Variants in LRP1 observed in about 807,000 individuals in gnomAD.
LRP1 encodes prolow-density lipoprotein receptor-related protein 1.
A neutral mutation model predicts 541.5 loss-of-function variants in LRP1; 51 were observed. That is an observed-to-expected ratio of 0.09 (90% CI 0.08 to 0.12). The LOEUF is 0.12. LRP1 is among the 10% of genes least tolerant of loss of function. The pLI is 1.00. For missense variants in LRP1, 3,878 were observed against 6,376.2 expected, an observed-to-expected ratio of 0.61 and a Z score of 13.34; for synonymous variants, 2,219 against 2,470.8, an observed-to-expected ratio of 0.90 and a Z score of 3.02.
At chr12:57,139,941 T>C (rs2035252423) in intron 2 of LRP1, among the ~76,000 whole-genome samples, 1 of 152,150 alleles carries the variant, frequency 6.6e-6, no homozygotes, top group Admixed American at 6.5e-5. Context: ...CACCATCAGT[T>C]GTGTAAGCAG....
At position 57,179,526 on chromosome 12, in the gene LRP1, G is replaced by A. The variant is rs549171552; in HGVS notation, c.4936G>A (p.Gly1646Ser). 5.6e-6 allele frequency: 9 copies of A among 1,614,132 alleles called. No homozygotes were observed. The highest frequency in any genetic ancestry group is 1.7e-5 in the Admixed American group (1 of 60,026). Residue 1646 changes from glycine to serine, a missense_variant, in exon 29 of 89, where the codon GGC (glycine) becomes AGC (serine). Around this residue, in one of 13 missense-constraint regions of LRP1, gnomAD observed 394 missense variants for 635.9 expected, o/e 0.62. Coordinates refer to ENST00000243077, the MANE Select transcript of LRP1 (RefSeq NM_002332.3). This position sits in a 1 kb window ranked among gnomAD's most constrained non-coding sequence, Gnocchi z 6.8. ...GGCCATCAAGCGGGCCTTCATCAAC[G>A]GCACAGGCGTGGAGACAGTCGTCTC... Reference protein sequence around the residue: ...TQAIKRAFINGTGVETVVSAD... With the variant: ...TQAIKRAFINSTGVETVVSAD...
chr12:57,188,024 A>G (rs963352668), intron 42 of LRP1, among the ~76,000 whole-genome samples: 1 of 152,214 alleles, frequency 6.6e-6, no homozygotes, highest in African/African-American at 2.4e-5. Flanking sequence ...AAGAAAGGCA[A>G]ATTCAAGGCA....
At chr12:57,190,220 C>G (rs1428445926) in intron 42 of LRP1, among the ~76,000 whole-genome samples, 1 of 152,222 alleles carries the variant, frequency 6.6e-6, no homozygotes, top group Non-Finnish European at 1.5e-5. Context: ...ACCTGGGACA[C>G]ATGCCACACT....
chr12:57,211,629 T>C lies in LRP1; in HGVS notation c.13193+41T>C. 2 of 1,607,790 alleles carry C rather than the reference T, an allele frequency of 1.2e-6. No homozygotes were observed. The highest frequency in any genetic ancestry group is 1.7e-6 in the Non-Finnish European group (2 of 1,174,546). ...GCTTCACCCAGGCATAGATCATCGCTCCCTTCCCCAGATTTGAGCAGGAGG... is the reference window on the plus strand; with the variant it reads ...GCTTCACCCAGGCATAGATCATCGCCCCCTTCCCCAGATTTGAGCAGGAGG... On this transcript the variant is annotated intron_variant, in intron 85 of 88. Transcript: ENST00000243077. The surrounding 1 kb of genome is among the most constrained non-coding windows in gnomAD (Gnocchi z 4.3).
chr12:57,202,402 T>G lies in LRP1; in HGVS notation c.10595-19T>G. 6.3e-7 allele frequency: 1 copy of G among 1,585,350 alleles called. No homozygotes were observed. Among genetic ancestry groups the G allele is most frequent in the Non-Finnish European group, 8.7e-7 (1 of 1,154,518 alleles). ...GCCCCAGCCCTTTCCCTGACTGCCC[T>G]GACACTTGCCTCCTCCAGATGAACG... On this transcript the variant is annotated intron_variant, in intron 67 of 88. Transcript: ENST00000243077.
At chr12:57,166,811 G>C (rs1592625251) in intron 17 of LRP1, 119 bp from the exon 18 acceptor site, 2 of 691,962 alleles carry the variant, frequency 2.9e-6, no homozygotes, top group East Asian at 5.0e-5. Context: ...AATTCTCTAA[G>C]AGAAATGGTT....
chr12:57,205,351 AC>A lies in LRP1; in HGVS notation c.11340del (p.Lys3781SerfsTer2). 1 of 1,603,912 alleles carries A rather than the reference AC, an allele frequency of 6.2e-7. No homozygotes were observed. Among genetic ancestry groups the A allele is most frequent in the Non-Finnish European group, 8.5e-7 (1 of 1,175,978 alleles). On this transcript the variant is annotated frameshift_variant and splice_region_variant, in exon 74 of 89. Transcript: ENST00000243077. LOFTEE classifies it high-confidence loss of function. This position sits in a 1 kb window ranked among gnomAD's most constrained non-coding sequence, Gnocchi z 4.6. ...GGCATCCACTCTCTGTCCCCCACAG[AC>A]CCCAAGCTGACCAGCTGCGCCACCA... Reference protein sequence around the residue: ...DGSDEEDCSIDPKLTSCATNA... With the variant: ...DGSDEEDCSIXPKLTSCATNA...
chr12:57,146,748 T>TG (rs1272400954), intron 6 of LRP1: 1 of 152,392 alleles, frequency 6.6e-6, no homozygotes, highest in Non-Finnish European at 1.5e-5. Flanking sequence ...GTGTCCTCCT[T>TG]GGGGTGCTGA....
chr12:57,206,088 A>G lies in LRP1; in HGVS notation c.11591-385A>G, dbSNP rs564080881. Among the ~76,000 whole-genome samples the G allele has an allele frequency of 1.3e-5, 2 of 152,150 alleles. No individual in the cohort carries two copies. The highest frequency in any genetic ancestry group is 2.1e-4 in the South Asian group (1 of 4,824). On this transcript the variant is annotated intron_variant, in intron 75 of 88. Transcript: ENST00000243077. This position sits in a 1 kb window ranked among gnomAD's most constrained non-coding sequence, Gnocchi z 4.7. Reference sequence around the variant, plus strand: ...ACACACACCCCCACCATGCACTCCCATGCACACCCTCGTGCTCCATGCCAA... The same window carrying G: ...ACACACACCCCCACCATGCACTCCCGTGCACACCCTCGTGCTCCATGCCAA...
At chr12:57,148,863 A>T (rs1446856316) in intron 6 of LRP1, 4 of 478,230 alleles carry the variant, frequency 8.4e-6, no homozygotes, top group Admixed American at 4.0e-5. Flanking sequence ...GTGGCTGGGG[A>T]GCTCAGCAAA....
At position 57,162,550 on chromosome 12, in the gene LRP1, C is replaced by T; in HGVS notation, c.2404+32C>T. On this transcript the variant is annotated intron_variant, in intron 14 of 88. Coordinates refer to ENST00000243077, the MANE Select transcript of LRP1 (RefSeq NM_002332.3). This position sits in a 1 kb window ranked among gnomAD's most constrained non-coding sequence, Gnocchi z 5.2. ...CCTTGGGGCTGGGGGCAGCGTGGGA[C>T]CTGGAAGGGGTGGTGGGACTTAGGC... The T allele has an allele frequency of 5.0e-6, 8 of 1,610,444 alleles. No homozygotes were observed. Among genetic ancestry groups the T allele is most frequent in the Non-Finnish European group, 6.8e-6 (8 of 1,178,324 alleles).
At position 57,205,653 on chromosome 12, in the gene LRP1, A is replaced by T. The variant is rs780794112; in HGVS notation, c.11566A>T (p.Thr3856Ser). 1 of 1,612,692 alleles carries T rather than the reference A, an allele frequency of 6.2e-7. No homozygotes were observed. Among genetic ancestry groups the T allele is most frequent in the South Asian group, 1.1e-5 (1 of 91,086 alleles). The change falls in exon 75 of 89, where the codon ACG becomes TCG. Residue 3856 changes from threonine to serine, a missense_variant. Thr to Ser is a moderately conservative substitution (Grantham distance 58). This residue lies in a region of LRP1 where 871 missense variants were observed against 1,212.4 expected (regional missense o/e 0.72). Transcript: ENST00000243077. The surrounding 1 kb of genome is among the most constrained non-coding windows in gnomAD (Gnocchi z 4.6). ...LCSCARNFMK[T>S]HNTCKAEGSE... ...CAGCTGCGCTCGGAACTTCATGAAGACGCACAACACCTGCAAGGCCGAAGG... is the reference window on the plus strand; with the variant it reads ...CAGCTGCGCTCGGAACTTCATGAAGTCGCACAACACCTGCAAGGCCGAAGG...
In LRP1 at chr12:57,156,872, C is replaced by G. The variant is rs41291995; in HGVS notation, c.1513C>G (p.Arg505Gly). Residue 505 changes from arginine (R) to glycine (G), a missense_variant, in exon 10 of 89, where the codon CGC becomes GGC. Around this residue, in one of 13 missense-constraint regions of LRP1, gnomAD observed 496 missense variants for 861.0 expected, o/e 0.58. Coordinates refer to ENST00000243077, the MANE Select transcript of LRP1 (RefSeq NM_002332.3). This position sits in a 1 kb window ranked among gnomAD's most constrained non-coding sequence, Gnocchi z 5.2. ...CAACAGCCACAAGGCGCGGACCTGCCGCTGCCGTTCCGGCTTCAGCCTGGG... is the reference window on the plus strand; with the variant it reads ...CAACAGCCACAAGGCGCGGACCTGCGGCTGCCGTTCCGGCTTCAGCCTGGG... ...LANSHKARTC[R>G]CRSGFSLGSD... 1 of 1,597,544 alleles carries G rather than the reference C, an allele frequency of 6.3e-7. No homozygotes were observed. Among genetic ancestry groups the G allele is most frequent in the Non-Finnish European group, 8.5e-7 (1 of 1,172,392 alleles).
rs2036934260 is a variant in LRP1 at position 57,212,232 on chromosome 12, G to A, written c.13465G>A (p.Asp4489Asn). ...GCCTGATGATGTGGGAGGCCTACTG[G>A]ACGCTGACTTTGCCCTGGACCCTGA... The part of the protein sequence containing the change: ...GEPDDVGGLL[D>N]ADFALDPDKP... Residue 4489 changes from aspartate (D) to asparagine (N), a missense_variant, in exon 88 of 89, where the codon GAC (aspartate) becomes AAC (asparagine). Transcript: ENST00000243077. The surrounding 1 kb of genome is among the most constrained non-coding windows in gnomAD (Gnocchi z 5.0). The A allele has an allele frequency of 1.2e-6, 2 of 1,613,842 alleles. No individual in the cohort carries two copies. Among genetic ancestry groups the A allele is most frequent in the East Asian group, 2.2e-5 (1 of 44,886 alleles).
At chr12:57,135,930 G>T (rs772800763) in intron 1 of LRP1, among the ~76,000 whole-genome samples, 4 of 152,166 alleles carry the variant, frequency 2.6e-5, no homozygotes, top group Non-Finnish European at 5.9e-5. Flanking sequence ...GTGACCTCAG[G>T]CCGTGGCTGT....
intron 6 of LRP1, chr12:57,148,943 C>T: frequency 1.7e-6 from 1 of 574,842 alleles, no homozygotes; most frequent in Non-Finnish European, 3.1e-6. Flanking sequence ...TTCACTTTTC[C>T]CTTCCTCTCC....
In LRP1 at chr12:57,154,761, G is replaced by C. The variant is rs751205391; in HGVS notation, c.1227+60G>C. On this transcript the variant is annotated intron_variant, in intron 8 of 88. Coordinates refer to ENST00000243077, the MANE Select transcript of LRP1 (RefSeq NM_002332.3). This position sits in a 1 kb window ranked among gnomAD's most constrained non-coding sequence, Gnocchi z 4.6. ...ACCATGATCCAGGGCCTTCTGGTGA[G>C]GGGGGAAGCCTCTGTAGGGGAACCG... 125 of 1,459,706 alleles carry C rather than the reference G, an allele frequency of 8.6e-5. No individual in the cohort carries two copies. The highest frequency in any genetic ancestry group is 1.6e-4 in the Admixed American group (8 of 50,854). The allele number at this position is 1,459,706 out of a possible 1,614,324, so 90.4% of individuals were successfully genotyped here. A position where few individuals can be genotyped will look rare whatever the true frequency, so the allele number is the denominator to read the frequency against.
intron 20 of LRP1, among the ~76,000 whole-genome samples, chr12:57,172,943 G>C (rs2035974595): frequency 6.6e-6 from 1 of 152,176 alleles, no homozygotes; most frequent in African/African-American, 2.4e-5. Flanking sequence ...GGTGTCAATG[G>C]GGGGATTAGA....
intron 1 of LRP1, among the ~76,000 whole-genome samples, chr12:57,130,974 C>G (rs2136645802): frequency 6.6e-6 from 1 of 152,308 alleles, no homozygotes; most frequent in Admixed American, 6.5e-5. Flanking sequence ...AGCTCCACCC[C>G]ACTCTTGGGT....
Sources: gnomAD v4.1 joint callset for allele counts (sites outside exome capture counted in the v4.1 genomes callset) on GRCh38, gnomAD v4.1.1 for gene constraint, gnomAD v4.1.1 regional missense constraint, Gnocchi (gnomAD v3.1) non-coding constraint, MANE v1.5 for transcripts, NCBI Gene and HGNC (gene_info 2026-07-23, HGNC 2026-07-21) for gene names.